Variants in CLCN4 observed in about 807,000 individuals in gnomAD.
The protein encoded by CLCN4 is Cl-/H+ antiporter 4.
Under a neutral mutation model 41.7 loss-of-function variants are expected in CLCN4, and 1 was observed. The ratio of observed to expected loss-of-function variants is 0.02; its 90% CI spans 0.01 to 0.11. The LOEUF (loss-of-function observed/expected upper bound fraction) is 0.11. Among genes scored for constraint, CLCN4 ranks in the 10% least tolerant of loss-of-function variants. The pLI is 1.00. For synonymous variants in CLCN4, 277 were observed against 285.8 expected (o/e 0.97, Z 0.31); for missense variants, 287 against 661.0 (o/e 0.43, Z 6.20).
intron 8 of CLCN4, 100 bp from the exon 9 acceptor site, chrX:10,207,945 A>T: frequency 1.5e-6 from 1 of 687,929 alleles, no homozygotes; most frequent in Non-Finnish European, 2.2e-6. Flanking sequence ...GAGTGTGTCC[A>T]CTCTTGGACT....
intron 2 of CLCN4, among the ~76,000 whole-genome samples, chrX:10,160,567 T>C (rs1394800629): frequency 2.7e-5 from 3 of 111,562 alleles, no homozygotes; most frequent in African/African-American, 9.8e-5. Flanking sequence ...TCCATTTCCT[T>C]GTCTGCAAAA....
chrX:10,222,732 A>G (rs1221367003), intron 12 of CLCN4, among the ~76,000 whole-genome samples: 1 of 111,697 alleles, frequency 9.0e-6, no homozygotes, highest in Non-Finnish European at 1.9e-5. Flanking sequence ...CAAATGAGCA[A>G]TCCTATTCAT....
At chrX:10,207,876 A>G (rs1287107329) in intron 8 of CLCN4, among the ~76,000 whole-genome samples, 169 bp from the exon 9 acceptor site, 1 of 112,263 alleles carries the variant, frequency 8.9e-6, no homozygotes, top group African/African-American at 3.2e-5. Context: ...ACATAGTTAG[A>G]TTCCTCCAGG....
At position 10,221,639 on chromosome X, in the gene CLCN4, G is replaced by C. The variant is rs142861312; in HGVS notation, c.2192+762G>C. 2.3e-3 allele frequency among the ~76,000 whole-genome samples: 257 copies of C among 112,410 alleles called. 2 individuals are homozygous for C. Among genetic ancestry groups the C allele is most frequent in the African/African-American group, 8.0e-3 (247 of 30,940 alleles). On this transcript the variant is annotated intron_variant, in intron 12 of 12. Coordinates refer to ENST00000380833, the MANE Select transcript of CLCN4 (RefSeq NM_001830.4). Reference sequence around the variant, plus strand: ...CACTCCAGCCTTGGCAGCAGAATGAGACCCTGTCTTGTAAAAAGAATAGTG... The same window carrying C: ...CACTCCAGCCTTGGCAGCAGAATGACACCCTGTCTTGTAAAAAGAATAGTG...
chrX:10,213,357 C>T (rs1361874787), intron 10 of CLCN4, among the ~76,000 whole-genome samples: 3 of 112,078 alleles, frequency 2.7e-5, no homozygotes, highest in Non-Finnish European at 5.6e-5. Flanking sequence ...TGAAGAGCAC[C>T]ATGCTTGCTT....
chrX:10,206,276 G>C, intron 6 of CLCN4, 82 bp from the exon 7 acceptor site: 2 of 704,798 alleles, frequency 2.8e-6, no homozygotes, highest in Non-Finnish European at 4.4e-6. Context: ...CTTTGAACGT[G>C]TCTCTCAGAG....
At chrX:10,173,985 G>C (rs1923452918) in intron 2 of CLCN4, among the ~76,000 whole-genome samples, 1 of 111,902 alleles carries the variant, frequency 8.9e-6, no homozygotes, top group Non-Finnish European at 1.9e-5. Flanking sequence ...AGGACGCTGG[G>C]CAGCATCTCT....
intron 6 of CLCN4, among the ~76,000 whole-genome samples, chrX:10,204,883 G>A (rs1215472895): frequency 1.8e-5 from 2 of 110,485 alleles, no homozygotes; most frequent in Non-Finnish European, 3.8e-5. Flanking sequence ...TTTATTTAAT[G>A]AATTTTACAT....
chrX:10,205,607 C>CTT (rs923729645), intron 6 of CLCN4, among the ~76,000 whole-genome samples: 4 of 90,648 alleles, frequency 4.4e-5, no homozygotes, highest in Admixed American at 1.2e-4. Context: ...TGGCATATTC[C>CTT]TTTTTTTTTT....
intron 11 of CLCN4, among the ~76,000 whole-genome samples, chrX:10,215,031 C>T (rs989199677): frequency 5.4e-5 from 6 of 112,127 alleles, no homozygotes; most frequent in Non-Finnish European, 1.1e-4. Flanking sequence ...GGCACGCTCA[C>T]CATCCTTGCT....
chrX:10,225,578 CA>C (rs1311980342), intron 12 of CLCN4, among the ~76,000 whole-genome samples: 2 of 112,208 alleles, frequency 1.8e-5, no homozygotes, highest in African/African-American at 6.5e-5. Flanking sequence ...TTTTGCTGTG[CA>C]GAAGCTCTTT....
intron 2 of CLCN4, among the ~76,000 whole-genome samples, chrX:10,171,669 T>C (rs1923389024): frequency 8.9e-6 from 1 of 112,074 alleles, no homozygotes; most frequent in Admixed American, 9.5e-5. Context: ...ACATGGCATA[T>C]GCATGGCTAT....
chrX:10,180,849 C>T (rs933912145), intron 2 of CLCN4, among the ~76,000 whole-genome samples: 34 of 106,723 alleles, frequency 3.2e-4, no homozygotes, highest in African/African-American at 1.1e-3. Context: ...CTGAAGAGAC[C>T]ACATGGGGAT....
intron 3 of CLCN4, among the ~76,000 whole-genome samples, chrX:10,185,531 G>A (rs1273053965): frequency 8.9e-6 from 1 of 112,051 alleles, no homozygotes; most frequent in Non-Finnish European, 1.9e-5. Flanking sequence ...TGTCTAGTTG[G>A]CAATCAGTAT....
chrX:10,180,902 T>C (rs537635992), intron 2 of CLCN4, among the ~76,000 whole-genome samples: 1 of 110,462 alleles, frequency 9.1e-6, no homozygotes, highest in South Asian at 3.8e-4. Flanking sequence ...CCAGCTGTTC[T>C]AGTCTCCAGC....
At chrX:10,229,029 A>G (rs1012986824) in intron 12 of CLCN4, among the ~76,000 whole-genome samples, 3 of 111,548 alleles carry the variant, frequency 2.7e-5, no homozygotes, top group Non-Finnish European at 3.8e-5. Flanking sequence ...CCTATCTGCA[A>G]CAAATAATTA....
intron 12 of CLCN4, 150 bp from the exon 13 acceptor site, chrX:10,233,344 G>A: frequency 2.2e-6 from 1 of 445,945 alleles, no homozygotes; most frequent in Admixed American, 3.9e-5. Flanking sequence ...ATTGGCCAGT[G>A]CTCCCTCCAT....
In CLCN4 at chrX:10,233,348, C is replaced by T. The variant is rs1456565898; in HGVS notation, c.2193-146C>T. 5 of 447,664 alleles carry T rather than the reference C, an allele frequency of 1.1e-5. No individual in the cohort carries two copies. The African/African-American group carries it at 1.2e-4, about 11-fold the overall frequency. The allele number at this position is 447,664 out of a possible 1,213,427, so 36.9% of individuals were successfully genotyped here. A position where few individuals can be genotyped will look rare whatever the true frequency, so the allele number is the denominator to read the frequency against. On this transcript the variant is annotated intron_variant, in intron 12 of 12. Transcript: ENST00000380833. The stretch of plus-strand genomic sequence containing the variant: ...CACCCACAGGCATTGGCCAGTGCTC[C>T]CTCCATTGGCTCTGCCTAACCACAA...
At chrX:10,205,222 C>T (rs942006307) in intron 6 of CLCN4, among the ~76,000 whole-genome samples, 1 of 111,255 alleles carries the variant, frequency 9.0e-6, no homozygotes, top group South Asian at 3.8e-4. Flanking sequence ...GCCTGTAATC[C>T]CAGCACTTTG....
Sources: gnomAD v4.1 joint callset for allele counts (sites outside exome capture counted in the v4.1 genomes callset) on GRCh38, gnomAD v4.1.1 for gene constraint, MANE v1.5 for transcripts, NCBI Gene and HGNC (gene_info 2026-07-23, HGNC 2026-07-21) for gene names.